Variants in CFAP43 observed in about 807,000 individuals in gnomAD.
CFAP43 encodes the protein cilia- and flagella-associated protein 43.
Under a neutral mutation model 218.9 loss-of-function variants are expected in CFAP43, and 155 were observed. The observed-to-expected ratio is 0.71, with a 90% CI of 0.62 to 0.81. The LOEUF is 0.81. CFAP43 is among the 30% of genes least tolerant of loss of function. CFAP43 has a pLI of 0.00. For missense variants in CFAP43, 1,778 were observed against 1,954.3 expected, an observed-to-expected ratio of 0.91 and a Z score of 1.70; for synonymous variants, 645 against 681.3, an observed-to-expected ratio of 0.95 and a Z score of 0.83.
At chr10:104,176,855 C>T (rs1338908202) in intron 19 of CFAP43, among the ~76,000 whole-genome samples, 1 of 152,144 alleles carries the variant, frequency 6.6e-6, no homozygotes. Context: ...CTATGTTTTT[C>T]TGAGTTTGTT....
At chr10:104,161,841 G>T in intron 26 of CFAP43, 120 bp downstream of exon 26, 1 of 849,380 alleles carries the variant, frequency 1.2e-6, no homozygotes, top group South Asian at 1.6e-5. Context: ...TACGGAGGTT[G>T]TATAATAGTT....
Position 104,140,990 on chromosome 10 carries a change from T to C in CFAP43, c.4283A>G (p.Glu1428Gly), listed in dbSNP as rs1352921586. The C allele has an allele frequency of 1.2e-6, 2 of 1,610,460 alleles. No individual in the cohort carries two copies. Among genetic ancestry groups the C allele is most frequent in the Non-Finnish European group, 8.5e-7 (1 of 1,178,658 alleles). Reference sequence around the variant, plus strand: ...CAAATTCAACTGGAATCTCACTTTCTCTTCCTGTAATCTGAATTGAAAAGT... The same window carrying C: ...CAAATTCAACTGGAATCTCACTTTCCCTTCCTGTAATCTGAATTGAAAAGT... ...VFHELILLQEEKVRFQLNLTI... is the reference protein window; with the variant it reads ...VFHELILLQEGKVRFQLNLTI... Residue 1428 changes from glutamate to glycine, a missense_variant, in exon 34 of 38, where the codon GAG (glutamate) becomes GGG (glycine). By Grantham distance (98) the Glu-to-Gly change is moderately conservative (BLOSUM62 -2). Transcript: ENST00000357060.
intron 27 of CFAP43, among the ~76,000 whole-genome samples, chr10:104,153,015 C>A (rs2088351850): frequency 2.0e-5 from 3 of 152,192 alleles, no homozygotes; most frequent in African/African-American, 7.2e-5. Flanking sequence ...TGCAGCAAAT[C>A]TTTCCAGAAA....
At chr10:104,196,963 A>G (rs1170154027) in intron 9 of CFAP43, 30 bp from the exon 10 acceptor site, 4 of 1,568,434 alleles carry the variant, frequency 2.6e-6, no homozygotes, top group African/African-American at 1.4e-5. Context: ...AAAACTCTAC[A>G]TGGAAAATAA....
At chr10:104,208,475 A>G (rs1015740183) in intron 5 of CFAP43, among the ~76,000 whole-genome samples, 5 of 152,088 alleles carry the variant, frequency 3.3e-5, no homozygotes, top group Non-Finnish European at 7.4e-5. Context: ...TTGTCTTCCT[A>G]TTACTTTTTC....
chr10:104,199,552 C>A (rs1012741892), intron 8 of CFAP43, among the ~76,000 whole-genome samples: 7 of 151,752 alleles, frequency 4.6e-5, no homozygotes, highest in African/African-American at 1.7e-4. Flanking sequence ...GAGATTCAGA[C>A]AATAAATAAT....
At position 104,164,276 on chromosome 10, in the gene CFAP43, C is replaced by T; in HGVS notation, c.3064G>A (p.Val1022Ile). Residue 1022 changes from valine to isoleucine, a missense_variant, in exon 24 of 38, where the codon GTT (valine) becomes ATT (isoleucine). Coordinates refer to ENST00000357060, the MANE Select transcript of CFAP43 (RefSeq NM_025145.7). Reference protein sequence around the residue: ...LKDIIYKVKTVFNNEFDAAYK... With the variant: ...LKDIIYKVKTIFNNEFDAAYK... ...GCAGCGTCAAACTCATTATTGAAAACAGTTTTTACCTTGTAAATGATATCC... is the reference window on the plus strand; with the variant it reads ...GCAGCGTCAAACTCATTATTGAAAATAGTTTTTACCTTGTAAATGATATCC... The T allele has an allele frequency of 6.2e-7, 1 of 1,606,300 alleles. No individual in the cohort carries two copies. The highest frequency in any genetic ancestry group is 8.5e-7 in the Non-Finnish European group (1 of 1,175,192).
At chr10:104,215,180 G>A (rs2090979534) in intron 3 of CFAP43, among the ~76,000 whole-genome samples, 1 of 141,964 alleles carries the variant, frequency 7.0e-6, no homozygotes, top group Admixed American at 7.0e-5. Context: ...AATAAATAAA[G>A]TGGTGTATTT....
chr10:104,179,077 G>A lies in CFAP43; in HGVS notation c.2412C>T (p.Ser804=), dbSNP rs2089729396. 5.6e-6 allele frequency: 9 copies of A among 1,611,860 alleles called. No individual in the cohort carries two copies. Among genetic ancestry groups the A allele is most frequent in the Non-Finnish European group, 7.6e-6 (9 of 1,178,968 alleles). Residue 804 remains serine, a synonymous_variant, in exon 19 of 38, where the codon TCC becomes TCT. Coordinates refer to ENST00000357060, the MANE Select transcript of CFAP43 (RefSeq NM_025145.7). Reference sequence around the variant, plus strand: ...CTTGTTTTATCTCTTTCCTTTTCTTGGAAAACAGATTAACCTCCTTTTTGA... The same window carrying A: ...CTTGTTTTATCTCTTTCCTTTTCTTAGAAAACAGATTAACCTCCTTTTTGA... The part of the protein sequence containing the change: ...EAIKKEVNLF[S]KKRKEIKQGI...
chr10:104,178,127 C>T (rs892668982), intron 19 of CFAP43, among the ~76,000 whole-genome samples: 2 of 152,094 alleles, frequency 1.3e-5, no homozygotes, highest in African/African-American at 2.4e-5. Context: ...AAGAAAATCA[C>T]GTGGGACTCA....
chr10:104,164,783 G>C (rs1234158690), intron 23 of CFAP43, among the ~76,000 whole-genome samples: 3 of 152,184 alleles, frequency 2.0e-5, no homozygotes, highest in African/African-American at 7.2e-5. Flanking sequence ...ATAATCTACA[G>C]TGGCATCCAG....
At chr10:104,225,044 C>T (rs1207495149) in intron 3 of CFAP43, among the ~76,000 whole-genome samples, 2 of 152,154 alleles carry the variant, frequency 1.3e-5, no homozygotes, top group African/African-American at 2.4e-5. Context: ...ATGTTCCACT[C>T]TCTGAACATA....
intron 18 of CFAP43, among the ~76,000 whole-genome samples, chr10:104,179,598 A>G (rs956690812): frequency 6.6e-6 from 1 of 152,146 alleles, no homozygotes; most frequent in Non-Finnish European, 1.5e-5. Context: ...CCTGGACACC[A>G]TTGTTGGGTT....
Position 104,196,952 on chromosome 10 carries a change from A to C in CFAP43, c.1213-19T>G, listed in dbSNP as rs1462378633. 1 of 1,596,788 alleles carries C rather than the reference A, an allele frequency of 6.3e-7. No homozygotes were observed. Among genetic ancestry groups the C allele is most frequent in the Non-Finnish European group, 8.5e-7 (1 of 1,170,090 alleles). ...TAAGTGTCTGTAAAAAAAGAAAAAC[A>C]AAAACTCTACATGGAAAATAAGACT... On this transcript the variant is annotated intron_variant, in intron 9 of 37. Transcript: ENST00000357060.
chr10:104,225,883 G>A (rs1433309266), intron 2 of CFAP43, among the ~76,000 whole-genome samples: 1 of 152,196 alleles, frequency 6.6e-6, no homozygotes, highest in Non-Finnish European at 1.5e-5. Flanking sequence ...AAATATATGA[G>A]ACATTGTAAT....
intron 16 of CFAP43, among the ~76,000 whole-genome samples, chr10:104,184,550 A>G (rs2089968824): frequency 6.6e-6 from 1 of 151,654 alleles, no homozygotes; most frequent in African/African-American, 2.4e-5. Flanking sequence ...ATAGTAAACA[A>G]TTTGCTCTGG....
At chr10:104,183,556 A>ATT (rs1363160367) in intron 16 of CFAP43, among the ~76,000 whole-genome samples, 7 of 151,774 alleles carry the variant, frequency 4.6e-5, no homozygotes, top group African/African-American at 1.7e-4. Flanking sequence ...CGCCCGGCTA[A>ATT]TTTTTTGTAT....
chr10:104,184,420 G>A (rs1271665868), intron 16 of CFAP43, among the ~76,000 whole-genome samples: 2 of 151,634 alleles, frequency 1.3e-5, no homozygotes, highest in African/African-American at 4.8e-5. Context: ...CTTATGTTAT[G>A]AGAGATAGGA....
chr10:104,186,735 T>C (rs906771426), intron 14 of CFAP43, among the ~76,000 whole-genome samples: 1 of 152,206 alleles, frequency 6.6e-6, no homozygotes, highest in Non-Finnish European at 1.5e-5. Flanking sequence ...CTGGCTACTC[T>C]GTCAAAGAAG....
Sources: gnomAD v4.1 joint callset for allele counts (sites outside exome capture counted in the v4.1 genomes callset) on GRCh38, gnomAD v4.1.1 for gene constraint, MANE v1.5 for transcripts, NCBI Gene and HGNC (gene_info 2026-07-23, HGNC 2026-07-21) for gene names.